The following PDE10A variants were observed in gnomAD, a reference collection of about 807,000 sequenced individuals.
The protein encoded by PDE10A is phosphodiesterase 10A.
A neutral mutation model predicts 97.7 loss-of-function variants in PDE10A; 39 were observed. The ratio of observed to expected loss-of-function variants is 0.40; its 90% CI spans 0.31 to 0.52. The LOEUF is 0.52. Among genes scored for constraint, PDE10A ranks in the 20% least tolerant of loss-of-function variants. The probability of loss-of-function intolerance (pLI) is 0.56; values close to 1 mark genes in which losing one functional copy is unlikely to be tolerated. For missense variants in PDE10A, 731 were observed against 1,047.8 expected, an observed-to-expected ratio of 0.70 and a Z score of 4.17; for synonymous variants, 371 against 376.8, an observed-to-expected ratio of 0.98 and a Z score of 0.18.
chr6:165,687,580 C>A (rs946655966), intron 1 of PDE10A, among the ~76,000 whole-genome samples: 1 of 152,138 alleles, frequency 6.6e-6, no homozygotes, highest in African/African-American at 2.4e-5. Context: ...ACCAAAGGAG[C>A]AACTGAAAAA....
chr6:165,763,441 GC>G (rs201244717), intron 1 of PDE10A, among the ~76,000 whole-genome samples: 1 of 152,026 alleles, frequency 6.6e-6, no homozygotes, highest in Admixed American at 6.6e-5. Context: ...TCGTGCCTCA[GC>G]CCCCCCAGTA....
intron 1 of PDE10A, among the ~76,000 whole-genome samples, chr6:165,599,300 C>T (rs1786793598): frequency 6.6e-6 from 1 of 152,178 alleles, no homozygotes; most frequent in South Asian, 2.1e-4. Flanking sequence ...GGCAAACAAA[C>T]CTTTATGCAC....
intron 1 of PDE10A, among the ~76,000 whole-genome samples, chr6:165,791,381 C>G (rs1381293336): frequency 6.6e-6 from 1 of 152,148 alleles, no homozygotes; most frequent in Non-Finnish European, 1.5e-5. Context: ...AAGGCTGAAC[C>G]ACAGTCCTTG....
At chr6:165,730,819 G>A (rs74889519) in intron 1 of PDE10A, among the ~76,000 whole-genome samples, 6,908 of 150,984 alleles carry the variant, frequency 0.046, 267 homozygotes, top group South Asian at 0.18. Context: ...GCCGAGGTGG[G>A]TGGATCACAA....
intron 1 of PDE10A, among the ~76,000 whole-genome samples, chr6:165,692,160 G>T (rs182571753): frequency 1.5e-3 from 224 of 152,314 alleles, no homozygotes; most frequent in Non-Finnish European, 2.4e-3. Flanking sequence ...AGCGTGACAG[G>T]GAGGGTGGGG....
chr6:165,494,860 T>G (rs1340949101), intron 2 of PDE10A, among the ~76,000 whole-genome samples: 1 of 152,192 alleles, frequency 6.6e-6, no homozygotes, highest in Non-Finnish European at 1.5e-5. Flanking sequence ...TGTGACTGAC[T>G]TCACTGCACC....
chr6:165,545,446 T>A (rs1783691697), intron 1 of PDE10A, among the ~76,000 whole-genome samples: 1 of 152,094 alleles, frequency 6.6e-6, no homozygotes, highest in Non-Finnish European at 1.5e-5. Context: ...AAAAATATAG[T>A]AATAACTGAC....
chr6:165,592,913 T>C (rs906083205), intron 1 of PDE10A, among the ~76,000 whole-genome samples: 5 of 152,162 alleles, frequency 3.3e-5, no homozygotes, highest in Admixed American at 3.3e-4. Context: ...GATCTAGAAC[T>C]AGAAATACCA....
chr6:165,666,702 ACCT>A (rs1455703249), upstream of PDE10A, among the ~76,000 whole-genome samples: 1 of 150,756 alleles, frequency 6.6e-6, no homozygotes, highest in South Asian at 2.1e-4. Context: ...TTTCCAGGAA[ACCT>A]CCTTCAATTT....
intron 5 of PDE10A, among the ~76,000 whole-genome samples, chr6:165,442,786 G>T (rs1038647225): frequency 6.6e-6 from 1 of 151,928 alleles, no homozygotes; most frequent in East Asian, 1.9e-4. Flanking sequence ...CTTCCCCACA[G>T]TCCTTCAAAG....
intron 1 of PDE10A, among the ~76,000 whole-genome samples, chr6:165,651,162 G>A (rs186478005): frequency 3.9e-4 from 59 of 152,332 alleles, no homozygotes; most frequent in Admixed American, 8.5e-4. Flanking sequence ...AGTGTGTTAT[G>A]AAGTTTATGA....
chr6:165,572,789 A>G (rs1785110697), intron 1 of PDE10A, among the ~76,000 whole-genome samples: 1 of 152,196 alleles, frequency 6.6e-6, no homozygotes, highest in South Asian at 2.1e-4. Flanking sequence ...GTGAGCCACG[A>G]TCGTGCCACT....
At chr6:165,855,305 CGGG>C (rs34074536) in intron 1 of PDE10A, among the ~76,000 whole-genome samples, 2,225 of 86,410 alleles carry the variant, frequency 0.026, 117 homozygotes, top group African/African-American at 0.085. Context: ...CGGGAAGTGG[CGGG>C]GGGGGGGGGG....
chr6:165,821,158 G>T (rs6902965), intron 1 of PDE10A, among the ~76,000 whole-genome samples: 33,611 of 152,122 alleles, frequency 0.22, 4,072 homozygotes, highest in Middle Eastern at 0.31. Flanking sequence ...AGGACATGGA[G>T]CAGCAGCCAC....
chr6:165,606,455 C>T (rs1035895856), intron 1 of PDE10A, among the ~76,000 whole-genome samples: 3 of 152,192 alleles, frequency 2.0e-5, no homozygotes, highest in Non-Finnish European at 2.9e-5. Context: ...CAGAACAGCA[C>T]TGGCTACCAC....
chr6:165,780,512 C>T (rs1778314273), intron 1 of PDE10A: 1 of 152,176 alleles, frequency 6.6e-6, no homozygotes, highest in South Asian at 2.1e-4. Context: ...AACAGATGCT[C>T]CATTAGACCC....
chr6:165,650,905 T>C (rs1017542930), intron 1 of PDE10A, among the ~76,000 whole-genome samples: 13 of 152,130 alleles, frequency 8.5e-5, no homozygotes, highest in African/African-American at 3.1e-4. Context: ...ACCCAGCTAC[T>C]TTTTGTATTT....
In PDE10A at chr6:165,822,921, T is replaced by G. The variant is rs186612217; in HGVS notation, c.-615+164608A>C. 4.1e-3 allele frequency among the ~76,000 whole-genome samples: 623 copies of G among 152,094 alleles called. 5 individuals carry two copies. Among genetic ancestry groups the G allele is most frequent in the African/African-American group, 0.014 (592 of 41,492 alleles). The stretch of plus-strand genomic sequence containing the variant: ...GCGATCTCAGCTCACTGCAAGCTCC[T>G]CCTCCCAGGTTCACGCCATTTTCCT... On this transcript the variant is annotated intron_variant, in intron 1 of 19. Coordinates refer to the PDE10A transcript ENST00000366882.
intron 18 of PDE10A, among the ~76,000 whole-genome samples, chr6:165,356,287 G>A (rs948866923): frequency 6.6e-6 from 1 of 152,114 alleles, no homozygotes; most frequent in African/African-American, 2.4e-5. Flanking sequence ...GGCCATTCTA[G>A]TGGGTGCATA....
Sources: allele counts gnomAD v4.1 joint callset (sites outside exome capture counted in the v4.1 genomes callset), GRCh38; gene constraint gnomAD v4.1.1; transcripts MANE v1.5; gene names NCBI Gene and HGNC (gene_info 2026-07-23, HGNC 2026-07-21).